The following CEP85L variants were observed in gnomAD, a reference collection of about 807,000 sequenced individuals.
The protein encoded by CEP85L is centrosomal protein of 85 kDa-like.
CEP85L carries 60 observed loss-of-function variants against 100.3 expected under a neutral mutation model. The observed-to-expected ratio is 0.60, with a 90% CI of 0.49 to 0.74. The LOEUF (loss-of-function observed/expected upper bound fraction) is 0.74, where lower values mean the gene tolerates loss of function less well. Among genes scored for constraint, CEP85L ranks in the 30% least tolerant of loss-of-function variants. CEP85L has a pLI of 0.00. For missense variants in CEP85L, 973 were observed against 936.2 expected (o/e 1.04, Z -0.51); for synonymous variants, 319 against 322.7 (o/e 0.99, Z 0.12).
intron 10 of CEP85L, among the ~76,000 whole-genome samples, chr6:118,471,810 C>T (rs559560602): frequency 4.7e-5 from 7 of 148,554 alleles, no homozygotes; most frequent in South Asian, 4.3e-4. Flanking sequence ...TCTCTGAATA[C>T]GTGTATTATT....
chr6:118,660,208 C>T (rs1260093103), intron 1 of CEP85L, among the ~76,000 whole-genome samples: 1 of 152,232 alleles, frequency 6.6e-6, no homozygotes, highest in Non-Finnish European at 1.5e-5. Flanking sequence ...ATTTGGTACA[C>T]ATGTGGGCAT....
At chr6:118,524,019 A>G (rs1259980963) in intron 3 of CEP85L, 99 bp from the exon 4 acceptor site, 6 of 482,762 alleles carry the variant, frequency 1.2e-5, no homozygotes, top group East Asian at 4.0e-5. Flanking sequence ...AAAAAAAAGA[A>G]CTCCCTCTTT....
intron 1 of CEP85L, among the ~76,000 whole-genome samples, chr6:118,634,063 G>A (rs970836910): frequency 1.3e-5 from 2 of 152,206 alleles, no homozygotes; most frequent in Admixed American, 1.3e-4. Context: ...GTGTTTTGCG[G>A]TTGAAATAGC....
At chr6:118,510,948 T>C in intron 5 of CEP85L, among the ~76,000 whole-genome samples, 1 of 152,176 alleles carries the variant, frequency 6.6e-6, no homozygotes, top group Admixed American at 6.5e-5. Context: ...TATATAATTG[T>C]ATATAACATT....
At chr6:118,513,032 G>A (rs985882737) in intron 4 of CEP85L, among the ~76,000 whole-genome samples, 2 of 152,038 alleles carry the variant, frequency 1.3e-5, no homozygotes, top group African/African-American at 4.8e-5. Flanking sequence ...GTTAAGAGGA[G>A]ACATACATGA....
intron 2 of CEP85L, among the ~76,000 whole-genome samples, chr6:118,587,755 T>C (rs1331899856): frequency 2.0e-5 from 3 of 152,212 alleles, no homozygotes; most frequent in South Asian, 2.1e-4. Context: ...ATTACGTCTC[T>C]AATTTTTCAA....
rs573116856 is a variant in CEP85L at position 118,709,630 on chromosome 6, C to T, written c.-28+406G>A. On this transcript the variant is annotated intron_variant, in intron 1 of 13. Transcript: ENST00000368488. Reference sequence around the variant, plus strand: ...CCTTTACATCCAGTGACCTGTTTTACGAATAATAGGAAAGACTTTCCAGCT... The same window carrying T: ...CCTTTACATCCAGTGACCTGTTTTATGAATAATAGGAAAGACTTTCCAGCT... 6.0e-5 allele frequency among the ~76,000 whole-genome samples: 9 copies of T among 150,600 alleles called. No homozygotes were observed. The South Asian group carries it at 1.1e-3, about 18-fold the overall frequency.
At chr6:118,646,651 ACT>A (rs1224926219) in intron 1 of CEP85L, among the ~76,000 whole-genome samples, 3 of 151,970 alleles carry the variant, frequency 2.0e-5, no homozygotes, top group African/African-American at 7.3e-5. Context: ...ACAGAATGAG[ACT>A]CTGTCTCAAA....
chr6:118,510,122 A>G (rs1775883323), intron 5 of CEP85L, among the ~76,000 whole-genome samples: 2 of 152,018 alleles, frequency 1.3e-5, no homozygotes, highest in South Asian at 4.1e-4. Context: ...AGCAGGAACT[A>G]TTTTTCACTT....
intron 1 of CEP85L, among the ~76,000 whole-genome samples, chr6:118,682,720 G>GA (rs568590773): frequency 0.47 from 65,034 of 137,198 alleles, 15,363 homozygotes; most frequent in African/African-American, 0.59. Flanking sequence ...CAAACTGGAA[G>GA]AAAAAAAAAA....
intron 3 of CEP85L, chr6:118,538,027 T>G: frequency 1.6e-6 from 1 of 619,546 alleles, no homozygotes. Context: ...GAATCTTTAT[T>G]CACCAAGAGA....
At chr6:118,613,565 T>C (rs1489166557) in intron 2 of CEP85L, among the ~76,000 whole-genome samples, 1 of 151,964 alleles carries the variant, frequency 6.6e-6, no homozygotes, top group Non-Finnish European at 1.5e-5. Context: ...AAGACCAGCC[T>C]GGTCAACATG....
At chr6:118,562,643 GA>G (rs1779291755) in intron 3 of CEP85L, among the ~76,000 whole-genome samples, 2 of 152,110 alleles carry the variant, frequency 1.3e-5, no homozygotes, top group Non-Finnish European at 2.9e-5. Context: ...TTACAGGGGT[GA>G]GCTACCATGC....
chr6:118,496,843 A>T (rs940062724), intron 5 of CEP85L, among the ~76,000 whole-genome samples: 4 of 152,214 alleles, frequency 2.6e-5, no homozygotes, highest in Admixed American at 6.5e-5. Context: ...TGTCACTTCA[A>T]GGGAGAATGA....
intron 4 of CEP85L, among the ~76,000 whole-genome samples, chr6:118,515,031 A>C (rs1776192033): frequency 6.6e-6 from 1 of 151,770 alleles, no homozygotes; most frequent in East Asian, 1.9e-4. Flanking sequence ...GGCTGGTCTC[A>C]AACTCCTGGC....
chr6:118,631,659 T>C (rs1774161095), intron 2 of CEP85L, among the ~76,000 whole-genome samples: 1 of 152,254 alleles, frequency 6.6e-6, no homozygotes, highest in Non-Finnish European at 1.5e-5. Context: ...GAATGGACTG[T>C]TGATACATGT....
chr6:118,651,776 C>T (rs953732079), upstream of CEP85L: 75 of 986,118 alleles, frequency 7.6e-5, 1 homozygote, highest in Non-Finnish European at 3.3e-5. Flanking sequence ...GCTGTCCCGC[C>T]CTCCCGCCGC....
At chr6:118,488,295 G>A (rs1239729935) in intron 6 of CEP85L, among the ~76,000 whole-genome samples, 1 of 151,916 alleles carries the variant, frequency 6.6e-6, no homozygotes, top group East Asian at 1.9e-4. Context: ...TGCTCAATGA[G>A]GTCAGGTAAA....
intron 3 of CEP85L, among the ~76,000 whole-genome samples, chr6:118,555,587 T>G (rs1456768262): frequency 6.6e-6 from 1 of 152,164 alleles, no homozygotes; most frequent in East Asian, 1.9e-4. Flanking sequence ...TCTATTTATA[T>G]TTTACCTGAA....
Sources: gnomAD v4.1 joint callset for allele counts (sites outside exome capture counted in the v4.1 genomes callset) on GRCh38, gnomAD v4.1.1 for gene constraint, MANE v1.5 for transcripts, NCBI Gene and HGNC (gene_info 2026-07-23, HGNC 2026-07-21) for gene names.